The following PALLD variants were observed in gnomAD, a reference collection of about 807,000 sequenced individuals.
PALLD encodes palladin, cytoskeletal associated protein, also known as palladin.
A neutral mutation model predicts 123.5 loss-of-function variants in PALLD; 61 were observed. That is an observed-to-expected ratio of 0.49 (90% CI 0.40 to 0.61). The LOEUF (loss-of-function observed/expected upper bound fraction) is 0.61. Among genes scored for constraint, PALLD ranks in the 20% least tolerant of loss-of-function variants. The pLI, the probability that PALLD is intolerant of heterozygous loss-of-function variation, is 0.00. For missense variants in PALLD, 1,273 were observed against 1,377.0 expected (o/e 0.92, Z 1.20); for synonymous variants, 465 against 496.4 (o/e 0.94, Z 0.84).
At chr4:168,782,869 C>T (rs1736118432) in intron 10 of PALLD, among the ~76,000 whole-genome samples, 2 of 151,842 alleles carry the variant, frequency 1.3e-5, no homozygotes, top group Non-Finnish European at 1.5e-5. Flanking sequence ...GAGCCGAGAT[C>T]GCACCACTGC....
intron 10 of PALLD, among the ~76,000 whole-genome samples, chr4:168,767,747 A>G (rs1354974911): frequency 1.3e-5 from 2 of 152,042 alleles, no homozygotes; most frequent in Admixed American, 1.3e-4. Context: ...GGGTTTCTCT[A>G]TGTTGGTTAG....
At chr4:168,722,053 A>C (rs962422946) in intron 10 of PALLD, among the ~76,000 whole-genome samples, 1 of 152,088 alleles carries the variant, frequency 6.6e-6, no homozygotes, top group Non-Finnish European at 1.5e-5. Flanking sequence ...ATATGTATGT[A>C]TGTATTTTCA....
At chr4:168,536,675 A>G (rs1354725349) in intron 2 of PALLD, 1 of 152,130 alleles carries the variant, frequency 6.6e-6, no homozygotes, top group Non-Finnish European at 1.5e-5. Context: ...GAACTCACTC[A>G]CTATCACGAG....
intron 2 of PALLD, among the ~76,000 whole-genome samples, chr4:168,562,443 T>C (rs1015578608): frequency 6.6e-6 from 1 of 152,174 alleles, no homozygotes; most frequent in Admixed American, 6.6e-5. Flanking sequence ...TGCCTTCAAG[T>C]TTATGTGCTG....
intron 3 of PALLD, among the ~76,000 whole-genome samples, chr4:168,677,106 C>T (rs1370464745): frequency 6.6e-6 from 1 of 151,884 alleles, no homozygotes; most frequent in Non-Finnish European, 1.5e-5. Context: ...AGACTGGAGC[C>T]TACATCCAAA....
intron 2 of PALLD, among the ~76,000 whole-genome samples, chr4:168,608,338 T>C (rs190868785): frequency 2.8e-4 from 43 of 152,266 alleles, no homozygotes; most frequent in African/African-American, 1.0e-3. Flanking sequence ...AGCCCCCCAT[T>C]TGCATCTCAA....
chr4:168,693,709 T>G (rs1782866911), intron 8 of PALLD, among the ~76,000 whole-genome samples: 1 of 152,224 alleles, frequency 6.6e-6, no homozygotes, highest in Admixed American at 6.5e-5. Flanking sequence ...CAGGAGCTAT[T>G]AAAAACTAAC....
intron 2 of PALLD, among the ~76,000 whole-genome samples, chr4:168,580,405 C>A (rs1456771125): frequency 2.6e-5 from 4 of 151,862 alleles, no homozygotes; most frequent in Non-Finnish European, 5.9e-5. Flanking sequence ...TAGAGTAATG[C>A]AAATCAAAAC....
At chr4:168,652,719 C>T (rs1580775544) in intron 2 of PALLD, among the ~76,000 whole-genome samples, 1 of 152,104 alleles carries the variant, frequency 6.6e-6, no homozygotes, top group Non-Finnish European at 1.5e-5. Flanking sequence ...AGAATGAAAG[C>T]ATTATTTAAA....
chr4:168,611,411 T>G (rs1387924899), intron 2 of PALLD, among the ~76,000 whole-genome samples: 1 of 152,232 alleles, frequency 6.6e-6, no homozygotes, highest in African/African-American at 2.4e-5. Context: ...CATCACATCC[T>G]GCCGGGGGCC....
Position 168,896,542 on chromosome 4 carries a change from A to G in PALLD, c.2200-7A>G. The G allele has an allele frequency of 6.8e-7, 1 of 1,462,598 alleles. No homozygotes were observed. Among genetic ancestry groups the G allele is most frequent in the East Asian group, 2.5e-5 (1 of 40,536 alleles). The allele number at this position is 1,462,598 out of a possible 1,614,324, so 90.6% of individuals were successfully genotyped here. A position where few individuals can be genotyped will look rare whatever the true frequency, so the allele number is the denominator to read the frequency against. ...TAGTCTTCACATCTTTTTTTCTACC[A>G]TTACAGGACATTGGTTCTCCTCATG... On this transcript the variant is annotated splice_polypyrimidine_tract_variant and splice_region_variant and intron_variant, in intron 12 of 21. Transcript: ENST00000505667.
At chr4:168,905,158 T>TG (rs1757414230) in intron 15 of PALLD, among the ~76,000 whole-genome samples, 2 of 137,598 alleles carry the variant, frequency 1.5e-5, no homozygotes, top group African/African-American at 2.7e-5. Context: ...TTTTTTTTTT[T>TG]TTTTTTTTTT....
intron 2 of PALLD, among the ~76,000 whole-genome samples, chr4:168,535,206 C>T (rs933255845): frequency 5.3e-5 from 8 of 152,108 alleles, no homozygotes; most frequent in African/African-American, 1.7e-4. Flanking sequence ...ACCACTCCCC[C>T]ATAGATACTG....
chr4:168,594,108 G>A (rs1771733882), intron 2 of PALLD, among the ~76,000 whole-genome samples: 1 of 152,094 alleles, frequency 6.6e-6, no homozygotes, highest in African/African-American at 2.4e-5. Context: ...AGAAGTAGAG[G>A]TTATATATAA....
chr4:168,843,338 C>T (rs1318822), intron 10 of PALLD, among the ~76,000 whole-genome samples: 100,117 of 152,000 alleles, frequency 0.66, 33,779 homozygotes, highest in African/African-American at 0.76. Context: ...GCTTATCTTC[C>T]TTGTTTAGCT....
chr4:168,823,366 A>G (rs1412882900), intron 10 of PALLD, among the ~76,000 whole-genome samples: 1 of 152,148 alleles, frequency 6.6e-6, no homozygotes, highest in Non-Finnish European at 1.5e-5. Context: ...TCTCTGAACA[A>G]TGAGCAGCTC....
chr4:168,643,989 A>G (rs1777199175), intron 2 of PALLD, among the ~76,000 whole-genome samples: 1 of 152,004 alleles, frequency 6.6e-6, no homozygotes, highest in Non-Finnish European at 1.5e-5. Flanking sequence ...CTTGGATTCC[A>G]TTCTTCTTTC....
At chr4:168,708,787 T>C (rs1425216589) in intron 8 of PALLD, among the ~76,000 whole-genome samples, 2 of 152,030 alleles carry the variant, frequency 1.3e-5, no homozygotes, top group African/African-American at 4.8e-5. Flanking sequence ...ATTTTATAGA[T>C]GAGGACACCG....
intron 17 of PALLD, 29 bp from the exon 18 acceptor site, chr4:168,921,505 A>C (rs571414799): frequency 6.7e-7 from 1 of 1,489,018 alleles, no homozygotes; most frequent in Non-Finnish European, 9.2e-7. Context: ...TTAATACAAA[A>C]ATTTACATGT....
Sources: gnomAD v4.1 joint callset for allele counts (sites outside exome capture counted in the v4.1 genomes callset) on GRCh38, gnomAD v4.1.1 for gene constraint, MANE v1.5 for transcripts, NCBI Gene and HGNC (gene_info 2026-07-23, HGNC 2026-07-21) for gene names.